The following RPTOR variants were observed in gnomAD, a reference collection of about 807,000 sequenced individuals.
RPTOR encodes regulatory associated protein of MTOR complex 1.
Under a neutral mutation model 169.9 loss-of-function variants are expected in RPTOR, and 21 were observed. The ratio of observed to expected loss-of-function variants is 0.12; its 90% CI spans 0.09 to 0.18. The LOEUF is 0.18. RPTOR is among the 10% of genes least tolerant of loss of function. The pLI is 1.00. For synonymous variants in RPTOR, 732 were observed against 753.2 expected, an observed-to-expected ratio of 0.97 and a Z score of 0.46; for missense variants, 1,133 against 1,855.9, an observed-to-expected ratio of 0.61 and a Z score of 7.16.
In RPTOR at chr17:80,845,684, A is replaced by G. The variant is rs2067721246; in HGVS notation, c.1213-789A>G. On this transcript the variant is annotated intron_variant, in intron 10 of 33. Transcript: ENST00000306801. The surrounding 1 kb of genome is among the most constrained non-coding windows in gnomAD (Gnocchi z 5.4). ...GTCCTGTCCCCATTACTCCACATCT[A>G]CAAAAAGCACTTCCTGACCCTACAT... Among the ~76,000 whole-genome samples, 1 of 151,778 alleles carries G rather than the reference A, an allele frequency of 6.6e-6. No individual in the cohort carries two copies. Among genetic ancestry groups the G allele is most frequent in the South Asian group, 2.1e-4 (1 of 4,810 alleles).
Position 80,865,377 on chromosome 17 carries a change from A to T in RPTOR, c.1509+7477A>T, listed in dbSNP as rs55680637. ...AGAGGCCACCAGGTTGAAGAGCAAG[A>T]AAAAACCATACCATGGCTACAAGCA... On this transcript the variant is annotated intron_variant, in intron 13 of 33. Transcript: ENST00000306801. Among the ~76,000 whole-genome samples the T allele has an allele frequency of 7.8e-3, 1,190 of 152,316 alleles. 21 individuals are homozygous for T. The highest frequency in any genetic ancestry group is 0.027 in the African/African-American group (1,119 of 41,562).
intron 1 of RPTOR, among the ~76,000 whole-genome samples, chr17:80,573,387 C>T (rs1376601341): frequency 6.6e-6 from 1 of 152,102 alleles, no homozygotes; most frequent in Non-Finnish European, 1.5e-5. Flanking sequence ...GACTTCTGGT[C>T]CACACACATG....
chr17:80,602,705 G>A (rs2065199198), intron 1 of RPTOR: 1 of 754,514 alleles, frequency 1.3e-6, no homozygotes, highest in Admixed American at 1.7e-5. Flanking sequence ...TTATTCCTTT[G>A]GCCCAGACAG....
intron 24 of RPTOR, among the ~76,000 whole-genome samples, chr17:80,932,039 G>C (rs2068904085): frequency 1.3e-5 from 2 of 152,108 alleles, no homozygotes; most frequent in Non-Finnish European, 2.9e-5. Context: ...GCCACATGCT[G>C]AGTGTCACCA....
At chr17:80,716,611 G>T (rs942212373) in intron 4 of RPTOR, among the ~76,000 whole-genome samples, 1 of 152,084 alleles carries the variant, frequency 6.6e-6, no homozygotes, top group African/African-American at 2.4e-5. Context: ...TATTGCATTT[G>T]CTTTTGGGTT....
chr17:80,884,060 G>A (rs915375977), intron 16 of RPTOR, 88 bp downstream of exon 16: 25 of 1,354,142 alleles, frequency 1.8e-5, no homozygotes, highest in African/African-American at 8.6e-5. Context: ...GGGTGTGGCC[G>A]GCCACGTGTC....
chr17:80,700,235 GT>G (rs2143048687), intron 3 of RPTOR, among the ~76,000 whole-genome samples: 1 of 152,336 alleles, frequency 6.6e-6, no homozygotes, highest in East Asian at 1.9e-4. Flanking sequence ...TTTCTAAAGA[GT>G]TTTCAAAGTT....
chr17:80,885,965 A>G (rs1454771609), intron 17 of RPTOR, among the ~76,000 whole-genome samples: 1 of 152,264 alleles, frequency 6.6e-6, no homozygotes, highest in Non-Finnish European at 1.5e-5. Flanking sequence ...GCGTTTAGGA[A>G]GACACTGGTT....
At chr17:80,885,288 T>C in intron 17 of RPTOR, 140 bp downstream of exon 17, 1 of 1,060,684 alleles carries the variant, frequency 9.4e-7, no homozygotes, top group South Asian at 1.7e-5. Flanking sequence ...GATCTTTACA[T>C]GTTTCATTCT....
intron 6 of RPTOR, among the ~76,000 whole-genome samples, chr17:80,782,560 C>T (rs2066951994): frequency 5.3e-5 from 8 of 152,136 alleles, no homozygotes; most frequent in Admixed American, 5.2e-4. Context: ...CACTGTTTTC[C>T]CTTGATCCTG....
intron 21 of RPTOR, among the ~76,000 whole-genome samples, chr17:80,914,181 G>A (rs972705451): frequency 6.6e-6 from 1 of 152,270 alleles, no homozygotes. Context: ...AGCTGGGGAG[G>A]TGTGGCCAGG....
intron 20 of RPTOR, among the ~76,000 whole-genome samples, chr17:80,906,305 C>G (rs1225080428): frequency 6.6e-6 from 1 of 152,124 alleles, no homozygotes; most frequent in African/African-American, 2.4e-5. Context: ...AGAGGAGACT[C>G]TAGGGATGTT....
intron 2 of RPTOR, among the ~76,000 whole-genome samples, chr17:80,626,987 C>T (rs528727067): frequency 6.6e-6 from 1 of 152,252 alleles, no homozygotes; most frequent in Non-Finnish European, 1.5e-5. Context: ...AACCGCCATT[C>T]CACCATCTGT....
chr17:80,805,599 ATC>A (rs1389489879), intron 7 of RPTOR: 1 of 152,174 alleles, frequency 6.6e-6, no homozygotes, highest in African/African-American at 2.4e-5. Context: ...CCCACAGAAA[ATC>A]TGTTTTGCAG....
chr17:80,786,625 G>A (rs1394483115), intron 6 of RPTOR, among the ~76,000 whole-genome samples: 7 of 152,224 alleles, frequency 4.6e-5, no homozygotes, highest in Admixed American at 3.3e-4. Flanking sequence ...GAATGGAAGA[G>A]CCGCAGCAGC....
chr17:80,657,341 C>T (rs1329340187), intron 3 of RPTOR, among the ~76,000 whole-genome samples: 3 of 152,176 alleles, frequency 2.0e-5, no homozygotes, highest in African/African-American at 4.8e-5. Flanking sequence ...GCCAGCACCT[C>T]TCCCTGCTGA....
chr17:80,934,654 AAGAAAATG>A (rs1208997633), intron 24 of RPTOR, among the ~76,000 whole-genome samples: 1 of 152,238 alleles, frequency 6.6e-6, no homozygotes, highest in Non-Finnish European at 1.5e-5. Flanking sequence ...GCATCTAGCC[AAGAAAATG>A]AGTTTTTAAC....
At chr17:80,824,819 CAG>C (rs1382799985) in intron 9 of RPTOR, among the ~76,000 whole-genome samples, 1 of 152,252 alleles carries the variant, frequency 6.6e-6, no homozygotes, top group Non-Finnish European at 1.5e-5. Context: ...CTCAGCTGCG[CAG>C]AGTTAAAGAC....
intron 5 of RPTOR, among the ~76,000 whole-genome samples, chr17:80,733,904 C>A (rs1479720968): frequency 1.3e-5 from 2 of 152,154 alleles, no homozygotes; most frequent in African/African-American, 4.8e-5. Context: ...AGTAATAGCT[C>A]ATTTCTTCCA....
Sources: allele counts gnomAD v4.1 joint callset (sites outside exome capture counted in the v4.1 genomes callset), GRCh38; gene constraint gnomAD v4.1.1; non-coding constraint Gnocchi (gnomAD v3.1); transcripts MANE v1.5; gene names NCBI Gene and HGNC (gene_info 2026-07-23, HGNC 2026-07-21).